Variants in FAM228B observed in about 807,000 individuals in gnomAD.
FAM228B encodes the protein family with sequence similarity 228 member B, also known as protein FAM228B.
Under a neutral mutation model 42.6 loss-of-function variants are expected in FAM228B, and 38 were observed. The ratio of observed to expected loss-of-function variants is 0.89; its 90% CI spans 0.69 to 1.17. The LOEUF (loss-of-function observed/expected upper bound fraction) is 1.17. Among genes scored for constraint, FAM228B ranks in the 50% most tolerant of loss-of-function variants. The pLI is 0.00. For missense variants in FAM228B, 344 were observed against 367.3 expected (o/e 0.94, Z 0.52); for synonymous variants, 109 against 122.3 (o/e 0.89, Z 0.72).
chr2:24,099,391 A>G (rs535476507), intron 3 of FAM228B, among the ~76,000 whole-genome samples: 26 of 152,276 alleles, frequency 1.7e-4, no homozygotes, highest in African/African-American at 4.8e-4. Flanking sequence ...TCAGCCCAAA[A>G]TCTCCTTAAG....
intron 2 of FAM228B, among the ~76,000 whole-genome samples, chr2:24,091,084 TA>T (rs35003429): frequency 0.12 from 18,126 of 152,286 alleles, 1,258 homozygotes; most frequent in South Asian, 0.18. Context: ...AGGTAATTGA[TA>T]ATAAATACTG....
chr2:24,114,721 C>G (rs556624413), intron 3 of FAM228B, among the ~76,000 whole-genome samples: 1 of 152,126 alleles, frequency 6.6e-6, no homozygotes, highest in Non-Finnish European at 1.5e-5. Flanking sequence ...AAAAAAGATG[C>G]ATCATGTTTA....
rs917946906 is a variant in FAM228B at position 24,080,711 on chromosome 2, A to G, written c.-289-165A>G. 21 of 1,362,522 alleles carry G rather than the reference A, an allele frequency of 1.5e-5. No homozygotes were observed. The highest frequency in any genetic ancestry group is 1.3e-4 in the African/African-American group (9 of 69,126). The allele number at this position is 1,362,522 out of a possible 1,614,324, so 84.4% of individuals were successfully genotyped here. ...AATTTGGCCAGGGCAGCTGTTGTGC[A>G]CTTAGCAGAGGTAAGACTGATACAC... On this transcript the variant is annotated intron_variant, in intron 1 of 10. Coordinates refer to the FAM228B transcript ENST00000613899. The surrounding 1 kb of genome is among the most constrained non-coding windows in gnomAD (Gnocchi z 4.7).
upstream of FAM228B, chr2:24,122,733 T>C (rs1393244413): frequency 6.4e-6 from 3 of 471,888 alleles, no homozygotes; most frequent in African/African-American, 2.0e-5. Flanking sequence ...AACAGAATCA[T>C]AGAAAAATCA....
rs1310973773 is a variant in FAM228B, at chr2:24,080,005, T to G, written c.-289-871T>G. 2.6e-5 allele frequency among the ~76,000 whole-genome samples: 4 copies of G among 152,124 alleles called. No homozygotes were observed. The highest frequency in any genetic ancestry group is 5.9e-5 in the Non-Finnish European group (4 of 68,036). ...CATAGAAGTTAGGAAGTGTCCGCAC[T>G]AGGTTATTGGAATCATAGGCTTTCT... is the stretch of plus-strand genomic sequence containing the variant. On this transcript the variant is annotated intron_variant, in intron 1 of 10. Transcript: ENST00000613899. The surrounding 1 kb of genome is among the most constrained non-coding windows in gnomAD (Gnocchi z 4.7).
At chr2:24,130,451 C>T (rs1327278286) in intron 2 of FAM228B, among the ~76,000 whole-genome samples, 1 of 152,190 alleles carries the variant, frequency 6.6e-6, no homozygotes, top group African/African-American at 2.4e-5. Context: ...GCTCCTGTTT[C>T]TCCACAGCCT....
intron 3 of FAM228B, among the ~76,000 whole-genome samples, chr2:24,118,237 T>C (rs1212147382): frequency 6.6e-6 from 1 of 152,226 alleles, no homozygotes; most frequent in Admixed American, 6.5e-5. Context: ...TGCTCTCTGC[T>C]CCTGCCCTAC....
intron 5 of FAM228B, among the ~76,000 whole-genome samples, chr2:24,145,258 C>T (rs994660928): frequency 2.0e-5 from 3 of 152,172 alleles, no homozygotes; most frequent in African/African-American, 4.8e-5. Context: ...CCACTGCTTC[C>T]GCTGAGGCTG....
At position 24,080,656 on chromosome 2, in the gene FAM228B, G is replaced by C; in HGVS notation, c.-289-220G>C. The C allele has an allele frequency of 1.4e-6, 1 of 738,588 alleles. No homozygotes were observed. The highest frequency in any genetic ancestry group is 1.7e-5 in the South Asian group (1 of 58,290). The allele number at this position is 738,588 out of a possible 1,614,324, so 45.8% of individuals were successfully genotyped here. ...ATCTTAGATTTAAATATGACTGCCT[G>C]TCTCCAGTGGTCAAATACCATAGTA... On this transcript the variant is annotated intron_variant, in intron 1 of 10. Transcript: ENST00000613899. This position sits in a 1 kb window ranked among gnomAD's most constrained non-coding sequence, Gnocchi z 4.7.
intron 3 of FAM228B, among the ~76,000 whole-genome samples, chr2:24,108,673 G>A (rs183879811): frequency 1.3e-5 from 2 of 152,104 alleles, no homozygotes; most frequent in Admixed American, 1.3e-4. Context: ...AGGCCTAGAC[G>A]GGCAGATCAC....
At chr2:24,087,555 C>G (rs1405159379) in intron 2 of FAM228B, among the ~76,000 whole-genome samples, 1 of 152,022 alleles carries the variant, frequency 6.6e-6, no homozygotes, top group Non-Finnish European at 1.5e-5. Context: ...AGCTGGTCAC[C>G]AGAAAGACCC....
At chr2:24,168,711 G>T (rs1667489270) in intron 10 of FAM228B, among the ~76,000 whole-genome samples, 1 of 152,172 alleles carries the variant, frequency 6.6e-6, no homozygotes, top group South Asian at 2.1e-4. Flanking sequence ...TGATGGGAAT[G>T]CTCCCATAGA....
intron 3 of FAM228B, among the ~76,000 whole-genome samples, chr2:24,105,223 C>T (rs1380010105): frequency 6.6e-6 from 1 of 152,232 alleles, no homozygotes; most frequent in African/African-American, 2.4e-5. Context: ...TTGGAGCTGA[C>T]CTGGCAAGGT....
Position 24,095,581 on chromosome 2 carries a change from G to A in FAM228B, c.-121+352G>A, listed in dbSNP as rs1407060032. The stretch of plus-strand genomic sequence containing the variant: ...GGGGCGTCCGCTGTTGCTGAGGCTT[G>A]AGTAGGTAAACAAAGCAGCCGGGAA... On this transcript the variant is annotated intron_variant, in intron 3 of 10. Transcript: ENST00000613899. The surrounding 1 kb of genome is among the most constrained non-coding windows in gnomAD (Gnocchi z 4.8). 1.3e-5 allele frequency: 2 copies of A among 152,602 alleles called. No homozygotes were observed. Among genetic ancestry groups the A allele is most frequent in the Non-Finnish European group, 2.9e-5 (2 of 68,328 alleles). The allele number at this position is 152,602 out of a possible 1,614,324, so 9.5% of individuals were successfully genotyped here.
rs961689975 is a variant in FAM228B at position 24,167,657 on chromosome 2, G to A, written c.963G>A (p.Lys321=). 6 of 1,551,548 alleles carry A rather than the reference G, an allele frequency of 3.9e-6. No individual in the cohort carries two copies. In the African/African-American group the frequency reaches 8.2e-5, roughly 21 times the overall value. ...GSPSPRLGLL[K]LEL ...CCTCCCCGCGTTTGGGGCTGCTGAA[G>A]CTGGAGCTATAAGAAAGAAGAGGGA... The change falls in exon 10 of 11, where the codon AAG becomes AAA. Residue 321 remains lysine (K), a synonymous_variant. Coordinates refer to ENST00000615575, the MANE Select transcript of FAM228B (RefSeq NM_001145710.2).
chr2:24,094,121 T>C (rs894421122), intron 2 of FAM228B, among the ~76,000 whole-genome samples: 8 of 150,064 alleles, frequency 5.3e-5, no homozygotes, highest in African/African-American at 1.7e-4. Flanking sequence ...CTTACTGCAG[T>C]GTTGACCTCT....
In FAM228B at chr2:24,145,775, A is replaced by G. The variant is rs1329248301; in HGVS notation, c.442-973A>G. Reference sequence around the variant, plus strand: ...AGTGGAGTGCAGTGTCGCAAGCTCCACCTCCCGGGTTCATGGCATTCTCCT... The same window carrying G: ...AGTGGAGTGCAGTGTCGCAAGCTCCGCCTCCCGGGTTCATGGCATTCTCCT... On this transcript the variant is annotated intron_variant, in intron 5 of 10. Transcript: ENST00000615575. 5.3e-5 allele frequency among the ~76,000 whole-genome samples: 7 copies of G among 132,516 alleles called. No individual in the cohort carries two copies. In the South Asian group the frequency reaches 7.0e-4, roughly 13 times the overall value. The allele number at this position is 132,516 out of a possible 152,430, so 86.9% of individuals were successfully genotyped here. A position where few individuals can be genotyped will look rare whatever the true frequency, so the allele number is the denominator to read the frequency against.
intron 3 of FAM228B, among the ~76,000 whole-genome samples, chr2:24,107,552 A>G (rs1488793376): frequency 6.6e-6 from 1 of 152,192 alleles, no homozygotes; most frequent in Non-Finnish European, 1.5e-5. Flanking sequence ...CAGCAAAATA[A>G]AAAAACCTGA....
At chr2:24,122,451 G>A (rs780066510), upstream of FAM228B, 18 of 1,613,634 alleles carry the variant, frequency 1.1e-5, no homozygotes, top group East Asian at 1.1e-4. Flanking sequence ...CACAAGCTCC[G>A]CTCCTGGATT....
Sources: allele counts gnomAD v4.1 joint callset (sites outside exome capture counted in the v4.1 genomes callset), GRCh38; gene constraint gnomAD v4.1.1; non-coding constraint Gnocchi (gnomAD v3.1); transcripts MANE v1.5; gene names NCBI Gene and HGNC (gene_info 2026-07-23, HGNC 2026-07-21).